The following KCNC3 variants were observed in gnomAD, a reference collection of about 807,000 sequenced individuals.
KCNC3 encodes the protein potassium voltage-gated channel subfamily C member 3, also known as voltage-gated potassium channel KCNC3.
A neutral mutation model predicts 43.9 loss-of-function variants in KCNC3; 22 were observed. The observed-to-expected ratio is 0.50, with a 90% CI of 0.36 to 0.72. The LOEUF is 0.72. Among genes scored for constraint, KCNC3 ranks in the 30% least tolerant of loss-of-function variants. The pLI is 0.00. For synonymous variants in KCNC3, 492 were observed against 488.0 expected (o/e 1.01, Z -0.11); for missense variants, 829 against 1,073.8 (o/e 0.77, Z 3.19).
chr19:50,324,208 A>C lies in KCNC3; in HGVS notation c.871-126T>G. On this transcript the variant is annotated intron_variant, in intron 1 of 4. Coordinates refer to ENST00000477616, the MANE Select transcript of KCNC3 (RefSeq NM_004977.3). This position sits in a 1 kb window ranked among gnomAD's most constrained non-coding sequence, Gnocchi z 4.1. Reference sequence around the variant, plus strand: ...TGGGCCCAAACTCTGGGCAAAATCCAGGTGTCTCAGCCCTGTGGCTCCATC... The same window carrying C: ...TGGGCCCAAACTCTGGGCAAAATCCCGGTGTCTCAGCCCTGTGGCTCCATC... 1.2e-6 allele frequency: 1 copy of C among 869,072 alleles called. No individual in the cohort carries two copies. The highest frequency in any genetic ancestry group is 1.7e-6 in the Non-Finnish European group (1 of 579,528). 53.8% of individuals were successfully genotyped at this position (869,072 alleles called of 1,614,324 possible). A position where few individuals can be genotyped will look rare whatever the true frequency, so the allele number is the denominator to read the frequency against.
At chr19:50,329,953 T>G (rs1014357617), upstream of KCNC3, among the ~76,000 whole-genome samples, 5 of 151,390 alleles carry the variant, frequency 3.3e-5, no homozygotes, top group Admixed American at 1.3e-4. Context: ...CTGAGGAAGG[T>G]GAGTGGGGTC....
rs901496746 is a variant in KCNC3, at chr19:50,314,911, G to C, written c.*1204C>G. ...GGCGGGCGGCCCGGGGAGAGCCAGG[G>C]GGGGTGGCAAGGGGCGCGAGGCGCA... On this transcript the variant is annotated 3_prime_UTR_variant, in exon 5 of 5. Transcript: ENST00000477616. The C allele has an allele frequency of 3.9e-5, 12 of 310,750 alleles. No individual in the cohort carries two copies. Among genetic ancestry groups the C allele is most frequent in the African/African-American group, 2.1e-4 (9 of 42,862 alleles). The allele number at this position is 310,750 out of a possible 1,614,324, so 19.2% of individuals were successfully genotyped here.
At chr19:50,325,741 C>T (rs1467024464) in intron 1 of KCNC3, among the ~76,000 whole-genome samples, 3 of 151,968 alleles carry the variant, frequency 2.0e-5, no homozygotes, top group Non-Finnish European at 4.4e-5. Context: ...GGGGGCGGGG[C>T]GCACGGCGGC....
In KCNC3 at chr19:50,315,292, G is replaced by T. The variant is rs565345224; in HGVS notation, c.*823C>A. 1.3e-5 allele frequency among the ~76,000 whole-genome samples: 2 copies of T among 151,798 alleles called. No individual in the cohort carries two copies. Among genetic ancestry groups the T allele is most frequent in the African/African-American group, 2.4e-5 (1 of 41,302 alleles). ...TGAGAAAGGGGGAGACATCGGGGAG[G>T]GGGGAGAGACTCCGGATTAGGAGGC... On this transcript the variant is annotated 3_prime_UTR_variant, in exon 5 of 5. Coordinates refer to ENST00000477616, the MANE Select transcript of KCNC3 (RefSeq NM_004977.3).
intron 2 of KCNC3, among the ~76,000 whole-genome samples, chr19:50,321,032 CGACTGCAGTTGG>C: frequency 7.5e-6 from 1 of 132,500 alleles, no homozygotes; most frequent in South Asian, 2.2e-4. Flanking sequence ...CTGGGAAGGG[CGACTGCAGTTGG>C]GAAGGGTGGT....
At chr19:50,332,883 GGGAA>G, upstream of KCNC3, among the ~76,000 whole-genome samples, 1 of 152,144 alleles carries the variant, frequency 6.6e-6, no homozygotes, top group Non-Finnish European at 1.5e-5. The surrounding 1 kb of genome is among the most constrained non-coding windows in gnomAD (Gnocchi z 5.8). Flanking sequence ...CCTGGAATTG[GGGAA>G]GGGTCTTCCC....
In KCNC3 at chr19:50,323,132, C is replaced by T; in HGVS notation, c.1821G>A (p.Val607=). ...PPPITPPSMG[V]TVAGAYPAGP... is the part of the protein sequence containing the mutation. ...CCGCTGGGTAGGCCCCGGCCACAGTCACCCCCATGGAGGGTGGGGTGATGG... is the reference window on the plus strand; with the variant it reads ...CCGCTGGGTAGGCCCCGGCCACAGTTACCCCCATGGAGGGTGGGGTGATGG... The change falls in exon 2 of 5, where the codon GTG becomes GTA. Residue 607 remains valine (V), a synonymous_variant. Transcript: ENST00000477616. 6.5e-7 allele frequency: 1 copy of T among 1,535,870 alleles called. No homozygotes were observed. The highest frequency in any genetic ancestry group is 8.7e-7 in the Non-Finnish European group (1 of 1,144,702).
In KCNC3 at chr19:50,328,204, C is replaced by T. The variant is rs1383277328; in HGVS notation, c.870+9G>A. On this transcript the variant is annotated intron_variant, in intron 1 of 4. Transcript: ENST00000477616. Reference sequence around the variant, plus strand: ...GTGGGGTGGATGGGGGCCCCGAGAGCGCGCTCACCCTGGCAGCCCGCGACG... The same window carrying T: ...GTGGGGTGGATGGGGGCCCCGAGAGTGCGCTCACCCTGGCAGCCCGCGACG... The T allele has an allele frequency of 7.6e-6, 9 of 1,188,056 alleles. No homozygotes were observed. Among genetic ancestry groups the T allele is most frequent in the Middle Eastern group, 6.7e-4 (2 of 2,968 alleles). 73.6% of individuals were successfully genotyped at this position (1,188,056 alleles called of 1,614,324 possible).
chr19:50,327,623 C>T (rs374138219), intron 1 of KCNC3, among the ~76,000 whole-genome samples: 2 of 151,830 alleles, frequency 1.3e-5, no homozygotes, highest in South Asian at 2.1e-4. Flanking sequence ...AGACGGGCCA[C>T]GGGGTGAATC....
rs2036907555 is a variant in KCNC3, at chr19:50,313,565, G to GTTA, written c.*2547_*2549dup. ...CACCATCTCAGGGAAGAGACTCAGG[G>GTTA]TTAGGCGTAAGACAAAGAGGGTGCT... On this transcript the variant is annotated 3_prime_UTR_variant, in exon 5 of 5. Coordinates refer to ENST00000477616, the MANE Select transcript of KCNC3 (RefSeq NM_004977.3). 1 of 152,226 alleles carries GTTA rather than the reference G, an allele frequency of 6.6e-6. No homozygotes were observed. Among genetic ancestry groups the GTTA allele is most frequent in the African/African-American group, 2.4e-5 (1 of 41,450 alleles). The allele number at this position is 152,226 out of a possible 1,614,324, so 9.4% of individuals were successfully genotyped here. A position where few individuals can be genotyped will look rare whatever the true frequency, so the allele number is the denominator to read the frequency against.
chr19:50,317,625 C>T (rs2036974226), intron 4 of KCNC3, among the ~76,000 whole-genome samples: 1 of 152,132 alleles, frequency 6.6e-6, no homozygotes, highest in Non-Finnish European at 1.5e-5. Context: ...CTCCCCTTGG[C>T]CACTGGGATC....
chr19:50,320,081 G>A (rs2037006848), intron 4 of KCNC3, 142 bp downstream of exon 4: 1 of 204,886 alleles, frequency 4.9e-6, no homozygotes, highest in East Asian at 9.4e-5. Flanking sequence ...AGTGTCAGGA[G>A]CTGGGGGTTA....
At chr19:50,317,962 A>C (rs2036977867) in intron 4 of KCNC3, among the ~76,000 whole-genome samples, 1 of 151,238 alleles carries the variant, frequency 6.6e-6, no homozygotes, top group Non-Finnish European at 1.5e-5. Context: ...ACCACACCTA[A>C]GTTTTTTGGT....
Position 50,328,876 on chromosome 19 carries a change from G to A in KCNC3, c.207C>T (p.Cys69=), listed in dbSNP as rs1663004786. The A allele has an allele frequency of 1.7e-6, 2 of 1,175,266 alleles. No individual in the cohort carries two copies. Among genetic ancestry groups the A allele is most frequent in the Non-Finnish European group, 2.1e-6 (2 of 952,354 alleles). 72.8% of individuals were successfully genotyped at this position (1,175,266 alleles called of 1,614,324 possible). A position where few individuals can be genotyped will look rare whatever the true frequency, so the allele number is the denominator to read the frequency against. ...CCATGGCCGCCGCCGGCAGCCCGGGGCATGGCTCGGCGCGCCGGTCCCCGG... is the reference window on the plus strand; with the variant it reads ...CCATGGCCGCCGCCGGCAGCCCGGGACATGGCTCGGCGCGCCGGTCCCCGG... ...RGPGDRRAEP[C]PGLPAAAMGR... Residue 69 remains cysteine, a synonymous_variant, in exon 1 of 5, where the codon TGC becomes TGT. Coordinates refer to ENST00000477616, the MANE Select transcript of KCNC3 (RefSeq NM_004977.3).
chr19:50,319,899 T>G (rs1370407140), intron 4 of KCNC3, among the ~76,000 whole-genome samples: 2 of 151,580 alleles, frequency 1.3e-5, no homozygotes, highest in Non-Finnish European at 2.9e-5. Context: ...GCCCTCCGTT[T>G]TCCTGATTGA....
chr19:50,316,995 A>T (rs1332827098), intron 4 of KCNC3, among the ~76,000 whole-genome samples: 2 of 151,970 alleles, frequency 1.3e-5, no homozygotes, highest in East Asian at 3.9e-4. Context: ...CAAGAGAAGC[A>T]GGGACCTCCC....
intron 4 of KCNC3, among the ~76,000 whole-genome samples, chr19:50,318,063 G>A (rs2036979092): frequency 6.6e-6 from 1 of 152,178 alleles, no homozygotes; most frequent in Non-Finnish European, 1.5e-5. Context: ...AAAGTGCTGG[G>A]GTTATAGGCG....
chr19:50,329,020 C>G lies in KCNC3; in HGVS notation c.63G>C (p.Pro21=), dbSNP rs1221600339. 11 of 1,312,192 alleles carry G rather than the reference C, an allele frequency of 8.4e-6. No homozygotes were observed. The highest frequency in any genetic ancestry group is 6.6e-5 in the East Asian group (2 of 30,322). The allele number at this position is 1,312,192 out of a possible 1,614,324, so 81.3% of individuals were successfully genotyped here. Residue 21 remains proline (P), a synonymous_variant, in exon 1 of 5, where the codon CCG becomes CCC. Transcript: ENST00000477616. ...RGRQGASKQQ[P]APPPQPPESP... ...ACTCGGGCGGCTGCGGCGGTGGCGC[C>G]GGCTGCTGCTTGCTGGCCCCCTGGC...
Position 50,328,446 on chromosome 19 carries a change from C to G in KCNC3, c.637G>C (p.Ala213Pro), listed in dbSNP as rs777421210. The part of the protein sequence containing the change: ...EAPDPAGAAN[A>P]ANAAGAHDGG... Reference sequence around the variant, plus strand: ...TCGTGGGCGCCTGCGGCGTTGGCGGCGTTGGCGGCGCCCGCGGGGTCGGGC... The same window carrying G: ...TCGTGGGCGCCTGCGGCGTTGGCGGGGTTGGCGGCGCCCGCGGGGTCGGGC... The change falls in exon 1 of 5, where the codon GCC becomes CCC. Residue 213 changes from alanine (A) to proline (P), a missense_variant. Transcript: ENST00000477616. 1 of 1,576,608 alleles carries G rather than the reference C, an allele frequency of 6.3e-7. No individual in the cohort carries two copies. The highest frequency in any genetic ancestry group is 1.1e-5 in the South Asian group (1 of 87,688).
Sources: allele counts gnomAD v4.1 joint callset (sites outside exome capture counted in the v4.1 genomes callset), GRCh38; gene constraint gnomAD v4.1.1; non-coding constraint Gnocchi (gnomAD v3.1); transcripts MANE v1.5; gene names NCBI Gene and HGNC (gene_info 2026-07-23, HGNC 2026-07-21).